Variants in CLCN5 observed in about 807,000 individuals in gnomAD.
CLCN5 encodes the protein H(+)/Cl(-) exchange transporter 5.
In CLCN5, 17 loss-of-function variants were observed where a neutral mutation model predicts 54.0. The observed-to-expected ratio is 0.31, with a 90% CI of 0.22 to 0.47. The LOEUF (loss-of-function observed/expected upper bound fraction) is 0.47, where lower values mean the gene tolerates loss of function less well. Among genes scored for constraint, CLCN5 ranks in the 20% least tolerant of loss-of-function variants. CLCN5 has a pLI of 1.00. For synonymous variants in CLCN5, 222 were observed against 233.0 expected (o/e 0.95, Z 0.43); for missense variants, 448 against 646.7 (o/e 0.69, Z 3.33).
In CLCN5 at chrX:49,972,785, T is replaced by C. The variant is rs781938550; in HGVS notation, c.16+47471T>C. 3.6e-5 allele frequency among the ~76,000 whole-genome samples: 4 copies of C among 111,703 alleles called. No homozygotes were observed. The South Asian group carries it at 1.5e-3, about 42-fold the overall frequency. On this transcript the variant is annotated intron_variant, in intron 3 of 14. Transcript: ENST00000376091. ...ATTTAAGATCATATAATTCTAAAAA[T>C]TGTGCCAGATGCTTCCAACATACAG...
intron 3 of CLCN5, among the ~76,000 whole-genome samples, chrX:49,941,855 TTA>T (rs1483489234): frequency 9.2e-6 from 1 of 109,250 alleles, no homozygotes; most frequent in African/African-American, 3.3e-5. Context: ...ACCTGCCCTA[TTA>T]TGTCTTTCTC....
intron 3 of CLCN5, among the ~76,000 whole-genome samples, chrX:49,964,797 G>A (rs1557175249): frequency 9.1e-6 from 1 of 110,094 alleles, no homozygotes; most frequent in African/African-American, 3.3e-5. Context: ...CTATGTACCA[G>A]GCACTTGTCT....
At chrX:50,076,955 C>G (rs1229029261) in intron 7 of CLCN5, among the ~76,000 whole-genome samples, 1 of 112,149 alleles carries the variant, frequency 8.9e-6, no homozygotes, top group East Asian at 2.8e-4. Flanking sequence ...AAGCAAAAAA[C>G]TCTCAACTCC....
chrX:50,096,759 T>TA lies in CLCN5; in HGVS notation c.*4541dup, dbSNP rs1557195677. On this transcript the variant is annotated 3_prime_UTR_variant, in exon 15 of 15. Coordinates refer to ENST00000376091, the MANE Select transcript of CLCN5 (RefSeq NM_001127898.4). ...TGGAAGGAAAGCCATCCCACACCCC[T>TA]ACAACATATGTTCTGGCATTTATAA... The TA allele has an allele frequency of 8.9e-6, 1 of 112,624 alleles. No individual in the cohort carries two copies. The highest frequency in any genetic ancestry group is 9.5e-5 in the Admixed American group (1 of 10,484). 9.3% of individuals were successfully genotyped at this position (112,624 alleles called of 1,213,427 possible).
At chrX:50,003,507 C>T (rs1304799740) in intron 3 of CLCN5, 1 of 381,742 alleles carries the variant, frequency 2.6e-6, no homozygotes, top group Non-Finnish European at 5.2e-6. Flanking sequence ...CTTCCCTGCT[C>T]CCTCTCTCAC....
intron 3 of CLCN5, among the ~76,000 whole-genome samples, chrX:49,929,772 G>GTTTTTTTT (rs1348714780): frequency 3.0e-5 from 3 of 99,752 alleles, no homozygotes; most frequent in African/African-American, 1.3e-4. Context: ...ATAAATATAG[G>GTTTTTTTT]TTTTTTGTTT....
At chrX:49,999,106 C>T (rs782047139) in intron 3 of CLCN5, among the ~76,000 whole-genome samples, 1 of 109,767 alleles carries the variant, frequency 9.1e-6, no homozygotes, top group African/African-American at 3.3e-5. Flanking sequence ...TATTATGGGA[C>T]ACCCTCCCCA....
At chrX:50,077,265 G>A (rs782471128) in intron 7 of CLCN5, among the ~76,000 whole-genome samples, 15 of 110,960 alleles carry the variant, frequency 1.4e-4, no homozygotes, top group South Asian at 3.9e-4. Flanking sequence ...GATACATGCC[G>A]TATGTTTGAG....
chrX:50,072,668 G>T (rs990757836), intron 6 of CLCN5, 80 bp downstream of exon 6: 3 of 725,681 alleles, frequency 4.1e-6, no homozygotes, highest in Admixed American at 4.5e-5. Context: ...GCTGAGTCAC[G>T]TACTGTGTTT....
At chrX:49,956,181 C>T (rs1927309332) in intron 3 of CLCN5, among the ~76,000 whole-genome samples, 1 of 111,679 alleles carries the variant, frequency 9.0e-6, no homozygotes, top group Non-Finnish European at 1.9e-5. Context: ...TTCTTAAAAT[C>T]CTATTGTCTT....
chrX:50,081,508 G>A, intron 8 of CLCN5, 133 bp from the exon 9 acceptor site: 1 of 522,909 alleles, frequency 1.9e-6, no homozygotes, highest in Non-Finnish European at 3.3e-6. Context: ...TCCAAACAGG[G>A]ATCACTGTAG....
chrX:49,996,763 C>A (rs1167899852), intron 3 of CLCN5, among the ~76,000 whole-genome samples: 1 of 111,949 alleles, frequency 8.9e-6, no homozygotes, highest in Non-Finnish European at 1.9e-5. Context: ...TAAGAGGTTG[C>A]TCACCACACT....
At chrX:50,025,170 A>G (rs1931291733) in intron 3 of CLCN5, among the ~76,000 whole-genome samples, 1 of 16,719 alleles carries the variant, frequency 6.0e-5, no homozygotes, top group African/African-American at 2.8e-4. Context: ...GGTGTGGGAT[A>G]TAGTCTCGTG....
At chrX:49,965,968 T>TTA (rs1249400660) in intron 3 of CLCN5, among the ~76,000 whole-genome samples, 12 of 112,076 alleles carry the variant, frequency 1.1e-4, no homozygotes, top group African/African-American at 3.9e-4. Flanking sequence ...TGGGTCTTGA[T>TTA]TATCGGCTTT....
chrX:50,077,611 AGAGAGAGAGAGTGT>A (rs1281150295), intron 7 of CLCN5, among the ~76,000 whole-genome samples: 39 of 96,393 alleles, frequency 4.0e-4, no homozygotes, highest in African/African-American at 1.4e-3. Context: ...AGAGAGAGAG[AGAGAGAGAGAGTGT>A]GTGTGTGTGT....
At chrX:49,981,353 A>G (rs1928720328) in intron 3 of CLCN5, among the ~76,000 whole-genome samples, 1 of 111,698 alleles carries the variant, frequency 9.0e-6, no homozygotes, top group Non-Finnish European at 1.9e-5. Context: ...TTCATGGTTA[A>G]TGCATTCCCC....
intron 10 of CLCN5, 23 bp from the exon 11 acceptor site, chrX:50,086,305 C>T (rs782514023): frequency 4.1e-5 from 49 of 1,196,153 alleles, no homozygotes; most frequent in Non-Finnish European, 4.7e-5. Context: ...ACTGAGTTTG[C>T]TTTCTCACCT....
At chrX:50,055,933 T>G (rs1932729372) in intron 4 of CLCN5, among the ~76,000 whole-genome samples, 1 of 110,911 alleles carries the variant, frequency 9.0e-6, no homozygotes. Context: ...ACTAGATACT[T>G]TCATTGTTTC....
At chrX:50,050,094 T>C (rs1345315090) in intron 4 of CLCN5, among the ~76,000 whole-genome samples, 6 of 112,381 alleles carry the variant, frequency 5.3e-5, no homozygotes, top group South Asian at 3.7e-4. Context: ...GTTTATCCAT[T>C]CATCTACTGA....
Sources: allele counts gnomAD v4.1 joint callset (sites outside exome capture counted in the v4.1 genomes callset), GRCh38; gene constraint gnomAD v4.1.1; transcripts MANE v1.5; gene names NCBI Gene and HGNC (gene_info 2026-07-23, HGNC 2026-07-21).